LAMC2: variants seen among roughly 807,000 people sequenced by gnomAD.
The protein encoded by LAMC2 is laminin subunit gamma 2.
In LAMC2, 97 loss-of-function variants were observed where a neutral mutation model predicts 140.2. The observed-to-expected ratio is 0.69, with a 90% confidence interval of 0.59 to 0.82. The LOEUF (loss-of-function observed/expected upper bound fraction) is 0.82. LAMC2 is among the 40% of genes least tolerant of loss of function. LAMC2 has a pLI of 0.00. For synonymous variants in LAMC2, 513 were observed against 540.2 expected (o/e 0.95, Z 0.70); for missense variants, 1,402 against 1,476.1 (o/e 0.95, Z 0.82).
At chr1:183,193,214 A>G (rs941607767) in intron 1 of LAMC2, among the ~76,000 whole-genome samples, 7 of 152,346 alleles carry the variant, frequency 4.6e-5, no homozygotes, top group African/African-American at 1.7e-4. Context: ...CATTAACAAG[A>G]GAACAGATTT....
Position 183,215,341 on chromosome 1 carries a change from G to T in LAMC2, c.269-112G>T, listed in dbSNP as rs573492436. ...GTGACTGTTAAAAGCAGCAGATGGT[G>T]CTTCTTACTTCGTGTTTACGGAGCA... On this transcript the variant is annotated intron_variant, in intron 2 of 22. Coordinates refer to ENST00000264144, the MANE Select transcript of LAMC2 (RefSeq NM_005562.3). 2.7e-5 allele frequency: 32 copies of T among 1,196,528 alleles called. No homozygotes were observed. The East Asian group carries it at 5.9e-4, about 22-fold the overall frequency. 74.1% of individuals were successfully genotyped at this position (1,196,528 alleles called of 1,614,324 possible).
the LAMC2 span, among the ~76,000 whole-genome samples, chr1:183,255,649 T>TTG: frequency 0.037 from 5,508 of 147,940 alleles, 359 homozygotes; most frequent in African/African-American, 0.13. Context: ...CTTTGTTAAA[T>TTG]TTATTCCTAA....
At chr1:183,254,465 G>T in the LAMC2 span, among the ~76,000 whole-genome samples, 2 of 152,078 alleles carry the variant, frequency 1.3e-5, no homozygotes, top group African/African-American at 4.8e-5. Context: ...GAGAGACAGG[G>T]TCTCACTCTG....
chr1:183,207,272 G>C (rs1335202746), intron 1 of LAMC2, among the ~76,000 whole-genome samples: 2 of 152,114 alleles, frequency 1.3e-5, no homozygotes, highest in Non-Finnish European at 2.9e-5. Context: ...TAGTCACTTT[G>C]CGAGTCTCTT....
chr1:183,216,521 C>A (rs139013422), intron 3 of LAMC2, among the ~76,000 whole-genome samples: 1 of 152,106 alleles, frequency 6.6e-6, no homozygotes, highest in South Asian at 2.1e-4. Context: ...CCCTGCACTC[C>A]GCAGGGAAGC....
chr1:183,205,525 ACTTG>A (rs1237540550), intron 1 of LAMC2, among the ~76,000 whole-genome samples: 8 of 152,216 alleles, frequency 5.3e-5, no homozygotes, highest in Admixed American at 3.3e-4. Flanking sequence ...TTTAAATCAC[ACTTG>A]CAGTACTGGT....
intron 6 of LAMC2, 100 bp from the exon 7 acceptor site, chr1:183,223,035 C>T (rs1659519069): frequency 9.4e-7 from 1 of 1,058,316 alleles, no homozygotes; most frequent in Non-Finnish European, 1.4e-6. Context: ...CAGCATGACA[C>T]AGGACTTCAA....
downstream of LAMC2, among the ~76,000 whole-genome samples, chr1:183,247,387 A>G (rs186992555): frequency 7.2e-5 from 11 of 152,276 alleles, no homozygotes; most frequent in Non-Finnish European, 1.3e-4. Context: ...CAGGACAAGG[A>G]AAAAAAGGCA....
chr1:183,220,926 A>G lies in LAMC2; in HGVS notation c.605A>G (p.Tyr202Cys), dbSNP rs756385275. 2 of 1,614,046 alleles carry G rather than the reference A, an allele frequency of 1.2e-6. No individual in the cohort carries two copies. The highest frequency in any genetic ancestry group is 2.7e-5 in the African/African-American group (2 of 74,934). The change falls in exon 5 of 23, where the codon TAC becomes TGC. Residue 202 changes from tyrosine (Y) to cysteine (C), a missense_variant. By Grantham distance (194) the Tyr-to-Cys change is radical. This residue lies in a region of LAMC2 where 723 missense variants were observed against 783.3 expected (regional missense o/e 0.92). Coordinates refer to ENST00000264144, the MANE Select transcript of LAMC2 (RefSeq NM_005562.3). ...GCCAGCTGCCGCAGCTCTGCAGAATACAGTGTCCATAAGATCACCTCTACC... is the reference window on the plus strand; with the variant it reads ...GCCAGCTGCCGCAGCTCTGCAGAATGCAGTGTCCATAAGATCACCTCTACC... ...HSASCRSSAE[Y>C]SVHKITSTFH...
rs141338869 is a variant in LAMC2 at position 183,193,871 on chromosome 1, T to C, written c.79+7440T>C. On this transcript the variant is annotated intron_variant, in intron 1 of 22. Coordinates refer to ENST00000264144, the MANE Select transcript of LAMC2 (RefSeq NM_005562.3). ...TCTCAAAATGTTTGTTACTTCTCTT[T>C]ATGGATGTGTAAAGGTAGTTTGGCT... 6.7e-3 allele frequency among the ~76,000 whole-genome samples: 782 copies of C among 116,118 alleles called. 4 individuals carry two copies. The highest frequency in any genetic ancestry group is 0.025 in the Middle Eastern group (6 of 244). The allele number at this position is 116,118 out of a possible 152,430, so 76.2% of individuals were successfully genotyped here. A position where few individuals can be genotyped will look rare whatever the true frequency, so the allele number is the denominator to read the frequency against.
At chr1:183,216,697 C>T (rs988671859) in intron 3 of LAMC2, among the ~76,000 whole-genome samples, 1 of 152,176 alleles carries the variant, frequency 6.6e-6, no homozygotes, top group Admixed American at 6.5e-5. Flanking sequence ...TCTGTGTTCT[C>T]ACTCTGCTGT....
At chr1:183,247,435 C>T (rs555809573), downstream of LAMC2, among the ~76,000 whole-genome samples, 8 of 150,732 alleles carry the variant, frequency 5.3e-5, no homozygotes, top group East Asian at 5.8e-4. Flanking sequence ...AATGTAAACA[C>T]GAGTGATCAA....
At position 183,222,035 on chromosome 1, in the gene LAMC2, C is replaced by A; in HGVS notation, c.641-54C>A. 3 of 1,611,852 alleles carry A rather than the reference C, an allele frequency of 1.9e-6. No individual in the cohort carries two copies. In the South Asian group the frequency reaches 3.3e-5, roughly 18 times the overall value. On this transcript the variant is annotated intron_variant, in intron 5 of 22. Transcript: ENST00000264144. ...GGCAAGCAAATCTTTCTTTGTTTAA[C>A]TTAATAGATGATGAGGGCTTGTCCA...
rs780061206 is a variant in LAMC2 at position 183,186,310 on chromosome 1, G to A, written c.-43G>A. 1 of 1,558,580 alleles carries A rather than the reference G, an allele frequency of 6.4e-7. No individual in the cohort carries two copies. Among genetic ancestry groups the A allele is most frequent in the South Asian group, 1.2e-5 (1 of 86,004 alleles). On this transcript the variant is annotated 5_prime_UTR_variant, in exon 1 of 23. Coordinates refer to ENST00000264144, the MANE Select transcript of LAMC2 (RefSeq NM_005562.3). ...ACCACCAACCGAGGCGCCGGGCAGC[G>A]ACCCCTGCAGCGGAGACAGAGACTG...
At chr1:183,252,379 T>A in the LAMC2 span, 1 of 485,736 alleles carries the variant, frequency 2.1e-6, no homozygotes, top group Non-Finnish European at 3.8e-6. Flanking sequence ...CACCAGTACA[T>A]CTCCAAGGAC....
chr1:183,206,809 C>G (rs990371146), intron 1 of LAMC2, among the ~76,000 whole-genome samples: 1 of 152,182 alleles, frequency 6.6e-6, no homozygotes, highest in African/African-American at 2.4e-5. Flanking sequence ...CTCAATATGG[C>G]AGCATGGCCA....
At chr1:183,201,921 T>A (rs752860305) in intron 1 of LAMC2, among the ~76,000 whole-genome samples, 36 of 152,122 alleles carry the variant, frequency 2.4e-4, no homozygotes, top group Non-Finnish European at 4.1e-4. Flanking sequence ...AATGGCTAAC[T>A]TGAAGATAAA....
At chr1:183,239,044 G>C (rs912338627) in intron 19 of LAMC2, among the ~76,000 whole-genome samples, 7 of 152,214 alleles carry the variant, frequency 4.6e-5, no homozygotes, top group African/African-American at 1.7e-4. Flanking sequence ...TATCATTGGA[G>C]CTTAGGGCTT....
intron 1 of LAMC2, among the ~76,000 whole-genome samples, chr1:183,194,231 T>G (rs975961558): frequency 6.7e-6 from 1 of 149,700 alleles, no homozygotes; most frequent in Non-Finnish European, 1.5e-5. Context: ...GCAATACAGT[T>G]TTAATTCATC....
Sources: allele counts gnomAD v4.1 joint callset (sites outside exome capture counted in the v4.1 genomes callset), GRCh38; gene constraint gnomAD v4.1.1; regional missense constraint gnomAD v4.1.1; transcripts MANE v1.5; gene names NCBI Gene and HGNC (gene_info 2026-07-23, HGNC 2026-07-21).